The following GRB14 variants were observed in gnomAD, a reference collection of about 807,000 sequenced individuals.
The protein encoded by GRB14 is growth factor receptor-bound protein 14.
A neutral mutation model predicts 69.1 loss-of-function variants in GRB14; 38 were observed. The observed-to-expected ratio is 0.55, with a 90% confidence interval of 0.42 to 0.72. The LOEUF is 0.72. GRB14 is among the 30% of genes least tolerant of loss of function. GRB14 has a pLI of 0.00. For missense variants in GRB14, 666 were observed against 666.1 expected (o/e 1.00, Z 0.00); for synonymous variants, 247 against 241.3 (o/e 1.02, Z -0.22).
intron 2 of GRB14, chr2:164,568,257 C>T: frequency 9.3e-7 from 1 of 1,076,752 alleles, no homozygotes; most frequent in Non-Finnish European, 1.3e-6. Flanking sequence ...CACACAGTAA[C>T]AGGGGAAAAA....
intron 2 of GRB14, among the ~76,000 whole-genome samples, chr2:164,557,782 G>C (rs1157808922): frequency 6.6e-6 from 1 of 152,142 alleles, no homozygotes; most frequent in Non-Finnish European, 1.5e-5. Flanking sequence ...GTATAGATTT[G>C]TATGATATTA....
At chr2:164,568,193 G>T in intron 2 of GRB14, 1 of 401,582 alleles carries the variant, frequency 2.5e-6, no homozygotes, top group Non-Finnish European at 4.2e-6. Context: ...CAACTTTAAT[G>T]AATTATAGGC....
chr2:164,547,128 C>A (rs1574294917), intron 3 of GRB14, among the ~76,000 whole-genome samples: 1 of 152,188 alleles, frequency 6.6e-6, no homozygotes, highest in African/African-American at 2.4e-5. Context: ...GAATAAATAA[C>A]TAATCCTTCA....
intron 2 of GRB14, among the ~76,000 whole-genome samples, chr2:164,591,369 T>A (rs998229115): frequency 2.0e-5 from 3 of 152,178 alleles, no homozygotes; most frequent in African/African-American, 7.2e-5. Flanking sequence ...AAAATTGCTA[T>A]TCTCTTTCTA....
intron 9 of GRB14, among the ~76,000 whole-genome samples, chr2:164,499,650 C>T (rs1326899157): frequency 6.6e-6 from 1 of 151,984 alleles, no homozygotes; most frequent in Non-Finnish European, 1.5e-5. Context: ...GACTTTCTTT[C>T]TTTTTAAGAA....
intron 12 of GRB14, among the ~76,000 whole-genome samples, chr2:164,494,799 T>C (rs1218462152): frequency 1.3e-5 from 2 of 152,204 alleles, no homozygotes; most frequent in African/African-American, 2.4e-5. Flanking sequence ...TACACTGTTA[T>C]GTCTGCATCA....
At chr2:164,599,064 G>C (rs1332074953) in intron 2 of GRB14, among the ~76,000 whole-genome samples, 2 of 152,194 alleles carry the variant, frequency 1.3e-5, no homozygotes, top group Non-Finnish European at 2.9e-5. Flanking sequence ...TGGTGTAGGA[G>C]CTAGTCTAGA....
intron 2 of GRB14, among the ~76,000 whole-genome samples, chr2:164,558,475 A>G (rs949861506): frequency 6.6e-6 from 1 of 152,200 alleles, no homozygotes; most frequent in Non-Finnish European, 1.5e-5. Context: ...TATGAATAAT[A>G]AAGAGGTTCA....
chr2:164,579,180 T>C (rs1689330254), intron 2 of GRB14, among the ~76,000 whole-genome samples: 1 of 152,108 alleles, frequency 6.6e-6, no homozygotes, highest in South Asian at 2.1e-4. Context: ...CCAAAAGACA[T>C]AATAAAGATT....
rs192216999 is a variant in GRB14, at chr2:164,587,295, G to A, written c.324+32392C>T. Among the ~76,000 whole-genome samples, 3 of 152,284 alleles carry A rather than the reference G, an allele frequency of 2.0e-5. No individual in the cohort carries two copies. In the East Asian group the frequency reaches 5.8e-4, roughly 29 times the overall value. ...TATACACAAGCAAGTGATTAAGCAA[G>A]AGTAGGGGTCAAGTGAAGACATCCT... On this transcript the variant is annotated intron_variant, in intron 2 of 13. Coordinates refer to ENST00000263915, the MANE Select transcript of GRB14 (RefSeq NM_004490.3).
intron 6 of GRB14, among the ~76,000 whole-genome samples, chr2:164,517,321 TG>T (rs1332876045): frequency 1.2e-4 from 18 of 152,076 alleles, no homozygotes; most frequent in Non-Finnish European, 1.8e-4. Flanking sequence ...ACACAGCACA[TG>T]GGAATTATGA....
chr2:164,514,313 C>T (rs1311728514), intron 6 of GRB14, among the ~76,000 whole-genome samples: 1 of 152,136 alleles, frequency 6.6e-6, no homozygotes, highest in Non-Finnish European at 1.5e-5. Context: ...CAACAGAATC[C>T]ACAGACCCTT....
Position 164,619,760 on chromosome 2 carries a change from T to C in GRB14, c.251A>G (p.Glu84Gly), listed in dbSNP as rs527661680. Reference sequence around the variant, plus strand: ...AGATGTAAATGGAGAACAGCATAGCTCAGGAAAAGGGTTTGGAATAGATGG... The same window carrying C: ...AGATGTAAATGGAGAACAGCATAGCCCAGGAAAAGGGTTTGGAATAGATGG... ...EMPSIPNPFP[E>G]LCCSPFTSVL... Residue 84 changes from glutamate to glycine, a missense_variant, in exon 2 of 14, where the codon GAG (glutamate) becomes GGG (glycine). Glu to Gly is a moderately conservative substitution (Grantham distance 98, BLOSUM62 -2). Coordinates refer to ENST00000263915, the MANE Select transcript of GRB14 (RefSeq NM_004490.3). 1.2e-6 allele frequency: 2 copies of C among 1,610,500 alleles called. No homozygotes were observed. The highest frequency in any genetic ancestry group is 2.2e-5 in the South Asian group (2 of 90,580).
intron 5 of GRB14, among the ~76,000 whole-genome samples, chr2:164,523,305 A>C (rs1687682568): frequency 1.3e-5 from 2 of 152,180 alleles, no homozygotes; most frequent in East Asian, 3.9e-4. Context: ...TAATTAATTG[A>C]GACAGTGGGC....
intron 3 of GRB14, among the ~76,000 whole-genome samples, chr2:164,544,462 T>C (rs913399752): frequency 6.6e-6 from 1 of 152,148 alleles, no homozygotes; most frequent in African/African-American, 2.4e-5. Context: ...ACTGTAATAA[T>C]ATATTATGCT....
intron 5 of GRB14, among the ~76,000 whole-genome samples, chr2:164,523,452 A>G (rs1687689230): frequency 6.6e-6 from 1 of 152,074 alleles, no homozygotes; most frequent in Non-Finnish European, 1.5e-5. Context: ...CTCTGAATAA[A>G]CAAATGGAAA....
chr2:164,600,491 A>T (rs1342179775), intron 2 of GRB14, among the ~76,000 whole-genome samples: 1 of 152,158 alleles, frequency 6.6e-6, no homozygotes, highest in Non-Finnish European at 1.5e-5. Flanking sequence ...CAATCAGATT[A>T]TATCAGGGTT....
chr2:164,556,768 C>T (rs567223589), intron 2 of GRB14, among the ~76,000 whole-genome samples: 2 of 152,294 alleles, frequency 1.3e-5, no homozygotes, highest in South Asian at 2.1e-4. Context: ...ATAATTACTA[C>T]GTGTTGCCCT....
chr2:164,614,480 A>G (rs961869944), intron 2 of GRB14, among the ~76,000 whole-genome samples: 2 of 152,228 alleles, frequency 1.3e-5, no homozygotes, highest in African/African-American at 4.8e-5. Flanking sequence ...GTTTTAGACG[A>G]TATCAAGGAA....
Sources: gnomAD v4.1 joint callset for allele counts (sites outside exome capture counted in the v4.1 genomes callset) on GRCh38, gnomAD v4.1.1 for gene constraint, MANE v1.5 for transcripts, NCBI Gene and HGNC (gene_info 2026-07-23, HGNC 2026-07-21) for gene names.